Variants in SVIL observed in about 807,000 individuals in gnomAD.
The protein encoded by SVIL is supervillin.
In SVIL, 101 loss-of-function variants were observed where a neutral mutation model predicts 240.4. The ratio of observed to expected loss-of-function variants is 0.42; its 90% CI spans 0.36 to 0.50. The LOEUF (loss-of-function observed/expected upper bound fraction) is 0.50, where lower values mean the gene tolerates loss of function less well. SVIL is among the 20% of genes least tolerant of loss of function. The probability of loss-of-function intolerance (pLI) is 0.01; values close to 1 mark genes in which losing one functional copy is unlikely to be tolerated. For missense variants in SVIL, 2,512 were observed against 2,818.7 expected (o/e 0.89, Z 2.46); for synonymous variants, 999 against 1,100.0 (o/e 0.91, Z 1.82).
intron 2 of SVIL, among the ~76,000 whole-genome samples, chr10:29,565,319 C>A (rs1954881835): frequency 6.6e-6 from 1 of 152,208 alleles, no homozygotes; most frequent in African/African-American, 2.4e-5. Context: ...CACTCCCTGG[C>A]TTCACAGGCA....
intron 6 of SVIL, among the ~76,000 whole-genome samples, chr10:29,538,524 T>A (rs1951899308): frequency 6.6e-6 from 1 of 152,228 alleles, no homozygotes; most frequent in African/African-American, 2.4e-5. Context: ...GAATTGTGAA[T>A]TCTGTTCTTC....
chr10:29,592,606 A>G (rs978872286), intron 1 of SVIL, among the ~76,000 whole-genome samples: 7 of 152,324 alleles, frequency 4.6e-5, no homozygotes, highest in Admixed American at 3.3e-4. Flanking sequence ...ACAGTTACGT[A>G]GGAAGGGGAG....
At chr10:29,487,352 G>A (rs184545270) in intron 23 of SVIL, 53 bp from the exon 24 acceptor site, 155 of 1,601,018 alleles carry the variant, frequency 9.7e-5, no homozygotes, top group South Asian at 3.2e-4. Flanking sequence ...GGGATAGGAC[G>A]CACCCCATAT....
intron 17 of SVIL, among the ~76,000 whole-genome samples, 194 bp from the exon 18 acceptor site, chr10:29,499,457 G>T (rs1201781123): frequency 6.6e-6 from 1 of 152,224 alleles, no homozygotes; most frequent in African/African-American, 2.4e-5. Context: ...GATCACCATT[G>T]GCGATGCTGT....
intron 2 of SVIL, among the ~76,000 whole-genome samples, chr10:29,660,717 C>T (rs1959132749): frequency 6.6e-6 from 1 of 152,208 alleles, no homozygotes; most frequent in Admixed American, 6.5e-5. Flanking sequence ...CAGACGCTCA[C>T]GTCTTCCCCT....
upstream of SVIL, among the ~76,000 whole-genome samples, chr10:29,636,732 A>C (rs559995708): frequency 1.3e-5 from 2 of 152,234 alleles, no homozygotes; most frequent in Non-Finnish European, 1.5e-5. Flanking sequence ...AAAGATGTCA[A>C]TTGTCCCCAA....
At chr10:29,577,077 C>T (rs962840778) in intron 1 of SVIL, among the ~76,000 whole-genome samples, 1 of 152,214 alleles carries the variant, frequency 6.6e-6, no homozygotes, top group Non-Finnish European at 1.5e-5. Flanking sequence ...GACGGGTTTT[C>T]ACCATGTTGA....
rs186413786 is a variant in SVIL at position 29,517,367 on chromosome 10, C to A, written c.3390-4506G>T. On this transcript the variant is annotated intron_variant, in intron 16 of 37. Coordinates refer to ENST00000355867, the MANE Select transcript of SVIL (RefSeq NM_021738.3). ...TTTGAGTCCCAGGAGGTGGAGGCTG[C>A]AGTGAGCTATGATCGCACCACTGCA... 2.6e-3 allele frequency among the ~76,000 whole-genome samples: 403 copies of A among 152,242 alleles called. 4 individuals carry two copies. The highest frequency in any genetic ancestry group is 9.1e-3 in the African/African-American group (378 of 41,530).
intron 17 of SVIL, among the ~76,000 whole-genome samples, chr10:29,503,260 A>C (rs188770626): frequency 1.4e-3 from 211 of 152,362 alleles, no homozygotes; most frequent in African/African-American, 4.5e-3. Flanking sequence ...ACCCTGAATA[A>C]AAGATGAAGA....
At chr10:29,543,482 C>G (rs1589182311) in intron 6 of SVIL, among the ~76,000 whole-genome samples, 1 of 152,228 alleles carries the variant, frequency 6.6e-6, no homozygotes, top group Admixed American at 6.5e-5. Context: ...ACCCTTAGGT[C>G]TGTTTCCCAC....
chr10:29,467,937 A>G, intron 32 of SVIL, 62 bp from the exon 33 acceptor site: 1 of 1,529,218 alleles, frequency 6.5e-7, no homozygotes, highest in South Asian at 1.2e-5. Context: ...ACCCAAAATT[A>G]TTATTACTAT....
At chr10:29,639,758 C>T (rs574034653), upstream of SVIL, among the ~76,000 whole-genome samples, 1 of 152,324 alleles carries the variant, frequency 6.6e-6, no homozygotes, top group South Asian at 2.1e-4. Flanking sequence ...TGAGCCACCA[C>T]ACCCAGCTGA....
intron 1 of SVIL, among the ~76,000 whole-genome samples, chr10:29,570,127 G>A (rs1955318344): frequency 6.6e-6 from 1 of 152,246 alleles, no homozygotes. Context: ...TATATCAGAT[G>A]TTGACACTTC....
At chr10:29,706,764 A>T (rs1962917679) in intron 1 of SVIL, among the ~76,000 whole-genome samples, 1 of 151,934 alleles carries the variant, frequency 6.6e-6, no homozygotes, top group African/African-American at 2.4e-5. Context: ...GGGTTTTTAT[A>T]GTTTTGGGTT....
intron 1 of SVIL, 43 bp downstream of exon 1, chr10:29,634,377 A>T (rs1334410138): frequency 6.6e-6 from 1 of 152,140 alleles, no homozygotes; most frequent in Non-Finnish European, 1.5e-5. Flanking sequence ...ACAACAAAAA[A>T]AAACCTACTG....
rs1211350133 is a variant in SVIL, at chr10:29,727,747, A to C, written c.-400+8004T>G. On this transcript the variant is annotated intron_variant, in intron 1 of 35. Transcript: ENST00000375400. ...TGAATTAAGTCGTGAACACAAAAAA[A>C]AAAAAAAAAGAAAAAGTCACAAAAA... Among the ~76,000 whole-genome samples, 951 of 152,088 alleles carry C rather than the reference A, an allele frequency of 6.3e-3. 8 individuals carry two copies. Among genetic ancestry groups the C allele is most frequent in the African/African-American group, 0.02 (850 of 41,488 alleles).
At chr10:29,658,876 A>G (rs1959079420) in intron 2 of SVIL, among the ~76,000 whole-genome samples, 3 of 152,222 alleles carry the variant, frequency 2.0e-5, no homozygotes, top group Admixed American at 2.0e-4. Flanking sequence ...TGGAACTAAC[A>G]AAGACCCAAT....
Position 29,523,678 on chromosome 10 carries a change from A to G in SVIL, c.2936T>C (p.Leu979Pro), listed in dbSNP as rs1315220760. The change falls in exon 15 of 38, where the codon CTG (leucine) becomes CCG (proline). Residue 979 changes from leucine to proline, a missense_variant. Leu to Pro is a moderately conservative substitution (Grantham distance 98). Around this residue, in one of 3 missense-constraint regions of SVIL, gnomAD observed 1,443 missense variants for 1,486.6 expected, o/e 0.97. Transcript: ENST00000355867. ...GCTGTCTCCTTCCCTGGCTCGGTTC[A>G]GGATGGGGTAGGATGCTTCTGCTTC... ...FEEAEASYPILNRAREGDSHK... is the reference protein window; with the variant it reads ...FEEAEASYPIPNRAREGDSHK... The G allele has an allele frequency of 6.2e-7, 1 of 1,614,146 alleles. No individual in the cohort carries two copies.
At chr10:29,481,850 A>G (rs1946892796) in intron 27 of SVIL, 122 bp from the exon 28 acceptor site, 2 of 851,538 alleles carry the variant, frequency 2.3e-6, no homozygotes, top group South Asian at 1.7e-5. Flanking sequence ...ACGTGAGTAC[A>G]TATAAAGTAA....
Sources: allele counts gnomAD v4.1 joint callset (sites outside exome capture counted in the v4.1 genomes callset), GRCh38; gene constraint gnomAD v4.1.1; regional missense constraint gnomAD v4.1.1; transcripts MANE v1.5; gene names NCBI Gene and HGNC (gene_info 2026-07-23, HGNC 2026-07-21).